The following CDH13 variants were observed in gnomAD, a reference collection of about 807,000 sequenced individuals.
CDH13 encodes cadherin-13.
Under a neutral mutation model 63.8 loss-of-function variants are expected in CDH13, and 24 were observed. The observed-to-expected ratio is 0.38, with a 90% confidence interval of 0.27 to 0.53. The LOEUF (loss-of-function observed/expected upper bound fraction) is 0.53. CDH13 is among the 20% of genes least tolerant of loss of function. The probability of loss-of-function intolerance (pLI) is 0.85; values close to 1 mark genes in which losing one functional copy is unlikely to be tolerated. For missense variants in CDH13, 1,049 were observed against 903.1 expected, an observed-to-expected ratio of 1.16 and a Z score of -2.07; for synonymous variants, 503 against 355.3, an observed-to-expected ratio of 1.42 and a Z score of -4.67.
intron 1 of CDH13, among the ~76,000 whole-genome samples, chr16:82,738,111 C>T (rs937291075): frequency 6.6e-6 from 1 of 152,298 alleles, no homozygotes; most frequent in South Asian, 2.1e-4. Context: ...GTCACACATT[C>T]GTTAGGTTTC....
intron 7 of CDH13, among the ~76,000 whole-genome samples, chr16:83,554,452 A>G (rs977812283): frequency 6.6e-6 from 1 of 152,230 alleles, no homozygotes; most frequent in African/African-American, 2.4e-5. Context: ...AAATAGCAGC[A>G]TGGCTGTGAA....
chr16:82,909,453 C>A (rs571460417), intron 2 of CDH13, among the ~76,000 whole-genome samples: 1 of 152,014 alleles, frequency 6.6e-6, no homozygotes, highest in East Asian at 1.9e-4. Flanking sequence ...TTCTTTGGTA[C>A]GGACATTGTA....
intron 6 of CDH13, among the ~76,000 whole-genome samples, chr16:83,428,449 A>G (rs1439367599): frequency 6.6e-6 from 1 of 151,782 alleles, no homozygotes; most frequent in African/African-American, 2.4e-5. Flanking sequence ...TTCATTTTTA[A>G]TTGTGTTGTC....
chr16:82,863,810 C>T (rs918328622), intron 2 of CDH13, among the ~76,000 whole-genome samples: 7 of 152,030 alleles, frequency 4.6e-5, no homozygotes, highest in South Asian at 2.1e-4. Context: ...GGTGAAGAAG[C>T]GACTAAAGCA....
At chr16:83,113,408 C>G (rs1304100468) in intron 3 of CDH13, among the ~76,000 whole-genome samples, 3 of 152,242 alleles carry the variant, frequency 2.0e-5, no homozygotes, top group Non-Finnish European at 4.4e-5. Context: ...TACAATAACT[C>G]TATATTTATT....
chr16:82,943,498 A>G (rs1253362470), intron 2 of CDH13, among the ~76,000 whole-genome samples: 1 of 152,240 alleles, frequency 6.6e-6, no homozygotes, highest in African/African-American at 2.4e-5. Flanking sequence ...GATTATTCGC[A>G]TAAGACCCTG....
At chr16:83,379,506 T>C (rs1296929969) in intron 6 of CDH13, among the ~76,000 whole-genome samples, 3 of 152,220 alleles carry the variant, frequency 2.0e-5, no homozygotes, top group Admixed American at 6.5e-5. Flanking sequence ...GTGAGGTTGA[T>C]CAACCAGTTA....
chr16:83,452,987 G>A (rs987385246), intron 6 of CDH13, among the ~76,000 whole-genome samples: 2 of 152,174 alleles, frequency 1.3e-5, no homozygotes, highest in African/African-American at 4.8e-5. Flanking sequence ...CTAGCTGTGT[G>A]CCTTTGGAAA....
intron 1 of CDH13, among the ~76,000 whole-genome samples, chr16:82,677,655 G>C (rs528486648): frequency 6.6e-6 from 1 of 152,232 alleles, no homozygotes; most frequent in African/African-American, 2.4e-5. Flanking sequence ...TCTGACCCGG[G>C]TCTCCAGACT....
At chr16:83,724,284 G>T (rs960515876) in intron 10 of CDH13, among the ~76,000 whole-genome samples, 4 of 151,206 alleles carry the variant, frequency 2.6e-5, no homozygotes, top group Admixed American at 6.6e-5. Context: ...ATTAATGCAT[G>T]GGTAGGTGAT....
At chr16:83,062,739 T>C (rs1393788960) in intron 3 of CDH13, among the ~76,000 whole-genome samples, 1 of 152,166 alleles carries the variant, frequency 6.6e-6, no homozygotes, top group East Asian at 1.9e-4. Flanking sequence ...TCATTCTATG[T>C]GGTCATGTTT....
intron 5 of CDH13, among the ~76,000 whole-genome samples, chr16:83,343,585 A>G (rs1002590562): frequency 2.6e-5 from 4 of 152,214 alleles, no homozygotes; most frequent in Non-Finnish European, 5.9e-5. Flanking sequence ...CATCAGGTGG[A>G]ATGTGACTCT....
At chr16:83,257,801 G>A (rs1906477444) in intron 5 of CDH13, among the ~76,000 whole-genome samples, 1 of 152,150 alleles carries the variant, frequency 6.6e-6, no homozygotes, top group African/African-American at 2.4e-5. Flanking sequence ...GGATTGCTGG[G>A]TTGAACGCTA....
chr16:83,237,858 A>G (rs1332300721), intron 5 of CDH13, among the ~76,000 whole-genome samples: 1 of 152,216 alleles, frequency 6.6e-6, no homozygotes, highest in Non-Finnish European at 1.5e-5. Context: ...CTTGATAAAC[A>G]TTATTTGTGT....
At chr16:83,424,279 C>A (rs920549941) in intron 6 of CDH13, among the ~76,000 whole-genome samples, 1 of 152,152 alleles carries the variant, frequency 6.6e-6, no homozygotes, top group African/African-American at 2.4e-5. Flanking sequence ...GAGGAAAATC[C>A]AACATGGACT....
At chr16:83,670,711 A>T in intron 8 of CDH13, 79 bp from the exon 9 acceptor site, 1 of 1,226,944 alleles carries the variant, frequency 8.2e-7, no homozygotes, top group Non-Finnish European at 1.2e-6. Context: ...TGATGTGTGT[A>T]ACATACCCAA....
chr16:83,164,056 C>G (rs1229000724), intron 4 of CDH13, among the ~76,000 whole-genome samples: 4 of 152,012 alleles, frequency 2.6e-5, no homozygotes, highest in Non-Finnish European at 5.9e-5. Flanking sequence ...TTATCTGTGT[C>G]TTACCCAGCT....
intron 2 of CDH13, among the ~76,000 whole-genome samples, chr16:82,899,995 A>C (rs1029548974): frequency 6.6e-6 from 1 of 152,146 alleles, no homozygotes; most frequent in African/African-American, 2.4e-5. Flanking sequence ...ATGGGCAGTG[A>C]GGTCTGGCTC....
chr16:83,448,196 C>G (rs2072768956), intron 6 of CDH13, among the ~76,000 whole-genome samples: 1 of 151,942 alleles, frequency 6.6e-6, no homozygotes, highest in Non-Finnish European at 1.5e-5. Context: ...TGATCTGAGT[C>G]TAGCTATCTG....
Sources: allele counts gnomAD v4.1 joint callset (sites outside exome capture counted in the v4.1 genomes callset), GRCh38; gene constraint gnomAD v4.1.1; transcripts MANE v1.5; gene names NCBI Gene and HGNC (gene_info 2026-07-23, HGNC 2026-07-21).